The following PI4KA variants were observed in gnomAD, a reference collection of about 807,000 sequenced individuals.
PI4KA encodes the protein PI4-kinase alpha.
In PI4KA, 122 loss-of-function variants were observed where a neutral mutation model predicts 271.4. The observed-to-expected ratio is 0.45, with a 90% confidence interval of 0.39 to 0.52. PI4KA has a LOEUF of 0.52. Ranked by LOEUF, PI4KA falls within the 20% of genes least tolerant of loss-of-function variation. The pLI, the probability that PI4KA is intolerant of heterozygous loss-of-function variation, is 0.00. For missense variants in PI4KA, 1,969 were observed against 2,769.1 expected, an observed-to-expected ratio of 0.71 and a Z score of 6.48; for synonymous variants, 1,041 against 1,078.8, an observed-to-expected ratio of 0.96 and a Z score of 0.69.
chr22:20,850,816 G>A (rs1926873360), intron 1 of PI4KA, among the ~76,000 whole-genome samples: 1 of 152,048 alleles, frequency 6.6e-6, no homozygotes, highest in Admixed American at 6.6e-5. Context: ...TGAGGTGAGT[G>A]GATCACTTGA....
At position 20,818,471 on chromosome 22, in the gene PI4KA, G is replaced by C. The variant is rs776731342; in HGVS notation, c.856+12C>G. ...ATTACGTCAAAATATTCTTCGGAAA[G>C]GTGAAGCCCACCTTCAAAGTAGTGA... On this transcript the variant is annotated intron_variant, in intron 7 of 54. Transcript: ENST00000255882. 3 of 1,576,630 alleles carry C rather than the reference G, an allele frequency of 1.9e-6. No homozygotes were observed. Among genetic ancestry groups the C allele is most frequent in the Non-Finnish European group, 2.6e-6 (3 of 1,163,110 alleles).
intron 8 of PI4KA, 96 bp from the exon 9 acceptor site, chr22:20,811,128 G>T: frequency 1.1e-6 from 1 of 879,210 alleles, no homozygotes; most frequent in South Asian, 1.3e-5. Context: ...CTCACATGGT[G>T]AAAAATGTGA....
At chr22:20,810,727 T>A (rs1463853902) in intron 9 of PI4KA, among the ~76,000 whole-genome samples, 1 of 152,076 alleles carries the variant, frequency 6.6e-6, no homozygotes, top group Non-Finnish European at 1.5e-5. Context: ...TAAAACTCTA[T>A]CTTCTGTCTG....
intron 19 of PI4KA, among the ~76,000 whole-genome samples, chr22:20,770,579 GACACACACACACACACACAC>G (rs528696021): frequency 1.1e-3 from 107 of 96,064 alleles, no homozygotes; most frequent in African/African-American, 2.2e-3. Context: ...GCTGGACACG[GACACACACACACACACACAC>G]ACACACACAC....
At chr22:20,718,949 A>G (rs370967031) in intron 43 of PI4KA, 127 bp from the exon 44 acceptor site, 49 of 967,600 alleles carry the variant, frequency 5.1e-5, no homozygotes, top group East Asian at 2.9e-4. Context: ...TGGTGAGACC[A>G]TAACAGCTGC....
At position 20,857,589 on chromosome 22, in the gene PI4KA, C is replaced by T. The variant is rs549374186; in HGVS notation, c.156+981G>A. Among the ~76,000 whole-genome samples the T allele has an allele frequency of 2.0e-5, 3 of 152,348 alleles. No individual in the cohort carries two copies. The East Asian group carries it at 5.8e-4, about 29-fold the overall frequency. On this transcript the variant is annotated intron_variant, in intron 1 of 54. Coordinates refer to ENST00000255882, the MANE Select transcript of PI4KA (RefSeq NM_058004.4). ...CATCCTTTCAGAGCTAAACACTGTG[C>T]TGAGTCTCATCGCACACGGGTGGGC...
chr22:20,782,103 G>A lies in PI4KA; in HGVS notation c.2328+11090C>T, dbSNP rs370324612. On this transcript the variant is annotated intron_variant, in intron 19 of 54. Coordinates refer to ENST00000255882, the MANE Select transcript of PI4KA (RefSeq NM_058004.4). Reference sequence around the variant, plus strand: ...TTAGGACTGACTTTAGAACAGGCTGGCAGAAGCATTTTTGGCAGCATCAAA... The same window carrying A: ...TTAGGACTGACTTTAGAACAGGCTGACAGAAGCATTTTTGGCAGCATCAAA... Among the ~76,000 whole-genome samples, 16 of 152,252 alleles carry A rather than the reference G, an allele frequency of 1.1e-4. No individual in the cohort carries two copies. The South Asian group carries it at 2.9e-3, about 28-fold the overall frequency.
rs887925817 is a variant in PI4KA at position 20,764,638 on chromosome 22, G to A, written c.2708+179C>T. 2.6e-5 allele frequency: 15 copies of A among 570,576 alleles called. No homozygotes were observed. In the African/African-American group the frequency reaches 2.7e-4, roughly 10 times the overall value. 35.3% of individuals were successfully genotyped at this position (570,576 alleles called of 1,614,324 possible). ...ACTGGGAGGTGTTACTATACGTGGT[G>A]TCTGGTGGTCATGAAGGAGGGGCAT... is the stretch of plus-strand genomic sequence containing the variant. On this transcript the variant is annotated intron_variant, in intron 22 of 54. Transcript: ENST00000255882.
intron 40 of PI4KA, 148 bp downstream of exon 40, chr22:20,727,626 A>G (rs1927520643): frequency 1.4e-6 from 1 of 703,774 alleles, no homozygotes; most frequent in East Asian, 2.7e-5. Flanking sequence ...GACAAGAAAT[A>G]GAAAACACAG....
At chr22:20,804,525 C>A in intron 11 of PI4KA, 125 bp from the exon 12 acceptor site, 1 of 701,482 alleles carries the variant, frequency 1.4e-6, no homozygotes, top group Non-Finnish European at 2.5e-6. Context: ...AGGGCTTATT[C>A]ATACTGAGAG....
chr22:20,804,043 G>T (rs1433118164), intron 12 of PI4KA, among the ~76,000 whole-genome samples: 5 of 152,148 alleles, frequency 3.3e-5, no homozygotes, highest in Non-Finnish European at 7.4e-5. Context: ...CTTGGGAATG[G>T]CCCCCAGCCT....
At chr22:20,811,087 C>G in intron 8 of PI4KA, 55 bp from the exon 9 acceptor site, 1 of 1,300,342 alleles carries the variant, frequency 7.7e-7, no homozygotes, top group Non-Finnish European at 1.1e-6. Context: ...GACAGGAATG[C>G]TAGCTCCTTC....
intron 19 of PI4KA, among the ~76,000 whole-genome samples, chr22:20,790,151 A>G (rs1934535940): frequency 6.6e-6 from 1 of 152,202 alleles, no homozygotes; most frequent in South Asian, 2.1e-4. Flanking sequence ...AAAGATCACC[A>G]AATCTAGCCA....
At chr22:20,729,585 A>G (rs1252203486) in intron 38 of PI4KA, 47 bp downstream of exon 38, 10 of 1,552,108 alleles carry the variant, frequency 6.4e-6, no homozygotes, top group Non-Finnish European at 8.7e-6. Flanking sequence ...CAGGTGTCGT[A>G]CAGGCAGGTG....
At chr22:20,822,020 C>T (rs141214914) in intron 4 of PI4KA, among the ~76,000 whole-genome samples, 7 of 152,216 alleles carry the variant, frequency 4.6e-5, no homozygotes, top group African/African-American at 1.7e-4. Flanking sequence ...TGTGGTGGTG[C>T]GTGCCTGTGG....
intron 25 of PI4KA, among the ~76,000 whole-genome samples, chr22:20,752,033 C>A (rs1449169401): frequency 6.6e-6 from 1 of 152,218 alleles, no homozygotes; most frequent in Non-Finnish European, 1.5e-5. Context: ...CTGGCCAGGA[C>A]ACCCCTCACT....
intron 1 of PI4KA, among the ~76,000 whole-genome samples, chr22:20,849,372 C>G (rs1392368974): frequency 6.6e-6 from 1 of 152,116 alleles, no homozygotes; most frequent in Non-Finnish European, 1.5e-5. Flanking sequence ...GAAAATATGT[C>G]TACAGAAACA....
intron 19 of PI4KA, among the ~76,000 whole-genome samples, chr22:20,769,816 G>A (rs1266007396): frequency 6.6e-6 from 1 of 152,170 alleles, no homozygotes; most frequent in Admixed American, 6.6e-5. Context: ...TGAAGTCATA[G>A]AGTAATCTGA....
At chr22:20,722,319 T>A (rs192519777) in intron 42 of PI4KA, among the ~76,000 whole-genome samples, 9 of 152,252 alleles carry the variant, frequency 5.9e-5, no homozygotes, top group Non-Finnish European at 1.3e-4. Context: ...CCCGAGTAGC[T>A]GGGATTACAG....
Sources: allele counts gnomAD v4.1 joint callset (sites outside exome capture counted in the v4.1 genomes callset), GRCh38; gene constraint gnomAD v4.1.1; transcripts MANE v1.5; gene names NCBI Gene and HGNC (gene_info 2026-07-23, HGNC 2026-07-21).